Variants in SMLR1 observed in about 807,000 individuals in gnomAD.
SMLR1 encodes the protein small leucine-rich protein 1.
SMLR1 carries 3 observed loss-of-function variants against 6.1 expected under a neutral mutation model. The ratio of observed to expected loss-of-function variants is 0.49; its 90% CI spans 0.22 to 1.28. The LOEUF (loss-of-function observed/expected upper bound fraction) is 1.28. SMLR1 is among the 50% of genes most tolerant of loss of function. SMLR1 has a pLI of 0.19. For synonymous variants in SMLR1, 55 were observed against 53.6 expected, an observed-to-expected ratio of 1.03 and a Z score of -0.11; for missense variants, 126 against 124.8, an observed-to-expected ratio of 1.01 and a Z score of -0.05.
intron 1 of SMLR1, among the ~76,000 whole-genome samples, chr6:130,834,577 T>C (rs1011719361): frequency 6.6e-6 from 1 of 152,164 alleles, no homozygotes; most frequent in Non-Finnish European, 1.5e-5. Flanking sequence ...TGTGGGAGTT[T>C]CAACTTAATC....
intron 1 of SMLR1, among the ~76,000 whole-genome samples, chr6:130,829,020 G>C (rs997165488): frequency 6.6e-6 from 1 of 152,130 alleles, no homozygotes; most frequent in Admixed American, 6.5e-5. Context: ...ATTCCCATCC[G>C]TAACACTCAC....
At chr6:130,829,504 C>A (rs942857081) in intron 1 of SMLR1, among the ~76,000 whole-genome samples, 1 of 152,172 alleles carries the variant, frequency 6.6e-6, no homozygotes, top group Non-Finnish European at 1.5e-5. Context: ...CAAGTGCCAG[C>A]CCCAGAGGAA....
At position 130,836,556 on chromosome 6, in the gene SMLR1, T is replaced by C. The variant is rs937072924; in HGVS notation, c.*1601T>C. The stretch of plus-strand genomic sequence containing the variant: ...ATTGTGATAACACATGAGCTCTATA[T>C]AGACATGTTTTCAGCACCAAGCACT... On this transcript the variant is annotated 3_prime_UTR_variant, in exon 2 of 2. Coordinates refer to ENST00000541421, the MANE Select transcript of SMLR1 (RefSeq NM_001195597.2). 6.6e-6 allele frequency: 1 copy of C among 152,170 alleles called. No homozygotes were observed. The highest frequency in any genetic ancestry group is 2.4e-5 in the African/African-American group (1 of 41,442). 9.4% of individuals were successfully genotyped at this position (152,170 alleles called of 1,614,324 possible).
In SMLR1 at chr6:130,835,313, T is replaced by C. The variant is rs770320487; in HGVS notation, c.*358T>C. ...CATAATCCCATAGGAACCCCTATTA[T>C]TCCGATTTTAGAGGTGAAGAAACCT... is the stretch of plus-strand genomic sequence containing the variant. On this transcript the variant is annotated 3_prime_UTR_variant, in exon 2 of 2. Coordinates refer to ENST00000541421, the MANE Select transcript of SMLR1 (RefSeq NM_001195597.2). 1 of 180,796 alleles carries C rather than the reference T, an allele frequency of 5.5e-6. No individual in the cohort carries two copies. The highest frequency in any genetic ancestry group is 1.2e-5 in the Non-Finnish European group (1 of 84,204). The allele number at this position is 180,796 out of a possible 1,614,324, so 11.2% of individuals were successfully genotyped here.
chr6:130,831,813 T>A (rs1001548059), intron 1 of SMLR1, among the ~76,000 whole-genome samples: 1 of 152,228 alleles, frequency 6.6e-6, no homozygotes, highest in Non-Finnish European at 1.5e-5. Context: ...GCCTGTCTCA[T>A]ACAGCTGGGT....
chr6:130,828,903 G>C (rs1462018648), intron 1 of SMLR1, among the ~76,000 whole-genome samples: 2 of 152,122 alleles, frequency 1.3e-5, no homozygotes, highest in African/African-American at 4.8e-5. Context: ...CTGAACCCCG[G>C]AAGTAGCCTC....
intron 1 of SMLR1, among the ~76,000 whole-genome samples, chr6:130,828,448 A>G (rs918964300): frequency 2.0e-5 from 3 of 152,204 alleles, no homozygotes; most frequent in Admixed American, 6.5e-5. Context: ...CTTAATTTGG[A>G]TAGTGTCATA....
intron 1 of SMLR1, among the ~76,000 whole-genome samples, chr6:130,831,779 C>T (rs1178337031): frequency 2.0e-5 from 3 of 152,172 alleles, no homozygotes; most frequent in African/African-American, 7.2e-5. Flanking sequence ...CAGAGTCCTG[C>T]ATTCTAAAAC....
intron 1 of SMLR1, 80 bp from the exon 2 acceptor site, chr6:130,834,790 G>C: frequency 5.8e-6 from 7 of 1,208,270 alleles, no homozygotes; most frequent in Non-Finnish European, 8.2e-6. Context: ...CAGATATGCT[G>C]GCCAACAGCC....
chr6:130,834,777 T>C (rs1774594885), intron 1 of SMLR1, 93 bp from the exon 2 acceptor site: 1 of 1,006,910 alleles, frequency 9.9e-7, no homozygotes, highest in African/African-American at 1.6e-5. Flanking sequence ...AGGCCACCAG[T>C]GTCAGATATG....
Position 130,836,178 on chromosome 6 carries a change from C to T in SMLR1, c.*1223C>T, listed in dbSNP as rs537417079. 5 of 152,238 alleles carry T rather than the reference C, an allele frequency of 3.3e-5. No individual in the cohort carries two copies. In the East Asian group the frequency reaches 9.7e-4, roughly 29 times the overall value. 9.4% of individuals were successfully genotyped at this position (152,238 alleles called of 1,614,324 possible). On this transcript the variant is annotated 3_prime_UTR_variant, in exon 2 of 2. Coordinates refer to ENST00000541421, the MANE Select transcript of SMLR1 (RefSeq NM_001195597.2). ...TTCTTGCATAATATAAAACTTATTG[C>T]TAGAATAAAGACACTCACTTCTGCA...
At chr6:130,828,726 G>T (rs918996741) in intron 1 of SMLR1, among the ~76,000 whole-genome samples, 1 of 152,120 alleles carries the variant, frequency 6.6e-6, no homozygotes, top group African/African-American at 2.4e-5. Context: ...TTCATTTTTC[G>T]TGTGTCTCAT....
chr6:130,831,688 T>C (rs756356262), intron 1 of SMLR1, among the ~76,000 whole-genome samples: 19 of 152,174 alleles, frequency 1.2e-4, no homozygotes, highest in Non-Finnish European at 2.6e-4. Context: ...CCAACCAGGG[T>C]TATGGCAAAT....
chr6:130,827,747 G>C (rs1239442197), intron 1 of SMLR1, 96 bp downstream of exon 1: 5 of 841,876 alleles, frequency 5.9e-6, no homozygotes, highest in Non-Finnish European at 9.0e-6. Flanking sequence ...CTGGCCAGGA[G>C]AAACATATAT....
intron 1 of SMLR1, among the ~76,000 whole-genome samples, chr6:130,830,917 GAACT>G (rs1354132943): frequency 6.6e-6 from 1 of 151,978 alleles, no homozygotes; most frequent in Non-Finnish European, 1.5e-5. Context: ...ATATAATCAA[GAACT>G]AACCATAAAA....
chr6:130,831,495 C>T (rs1173946683), intron 1 of SMLR1, among the ~76,000 whole-genome samples: 16 of 152,102 alleles, frequency 1.1e-4, no homozygotes, highest in African/African-American at 4.8e-5. Context: ...AGAACATGTA[C>T]CTTTGAAAAA....
At position 130,836,287 on chromosome 6, in the gene SMLR1, G is replaced by C. The variant is rs1324475069; in HGVS notation, c.*1332G>C. On this transcript the variant is annotated 3_prime_UTR_variant, in exon 2 of 2. Transcript: ENST00000541421. ...CAGAGTAACAGTGCTCTTGCCATAT[G>C]GAAGGAATAACAATATTCTTTCAGT... is the stretch of plus-strand genomic sequence containing the variant. 1 of 152,154 alleles carries C rather than the reference G, an allele frequency of 6.6e-6. No homozygotes were observed. The highest frequency in any genetic ancestry group is 1.5e-5 in the Non-Finnish European group (1 of 68,024). The allele number at this position is 152,154 out of a possible 1,614,324, so 9.4% of individuals were successfully genotyped here. A position where few individuals can be genotyped will look rare whatever the true frequency, so the allele number is the denominator to read the frequency against.
intron 1 of SMLR1, among the ~76,000 whole-genome samples, chr6:130,834,273 C>G (rs923160891): frequency 2.6e-5 from 4 of 151,902 alleles, no homozygotes; most frequent in African/African-American, 9.7e-5. Flanking sequence ...TGGGGGCAGA[C>G]AGAGAGAGGG....
At chr6:130,830,143 T>C (rs1030267580) in intron 1 of SMLR1, among the ~76,000 whole-genome samples, 2 of 152,054 alleles carry the variant, frequency 1.3e-5, no homozygotes, top group African/African-American at 4.8e-5. Flanking sequence ...GTGTTGCAAA[T>C]CTGTATGTTT....
Sources: allele counts gnomAD v4.1 joint callset (sites outside exome capture counted in the v4.1 genomes callset), GRCh38; gene constraint gnomAD v4.1.1; transcripts MANE v1.5; gene names NCBI Gene and HGNC (gene_info 2026-07-23, HGNC 2026-07-21).